ELMO2: variants seen among roughly 807,000 people sequenced by gnomAD.
The protein encoded by ELMO2 is engulfment and cell motility protein 2.
A neutral mutation model predicts 96.2 loss-of-function variants in ELMO2; 37 were observed. That is an observed-to-expected ratio of 0.38 (90% CI 0.30 to 0.51). ELMO2 has a LOEUF of 0.51. Among genes scored for constraint, ELMO2 ranks in the 20% least tolerant of loss-of-function variants. ELMO2 has a pLI of 0.88. For missense variants in ELMO2, 561 were observed against 912.6 expected (o/e 0.61, Z 4.96); for synonymous variants, 315 against 329.4 (o/e 0.96, Z 0.47).
chr20:46,394,104 G>GAGAA lies in ELMO2; in HGVS notation c.79-19_79-16dup. ...AGGGGCCGTTTCTGAAAGAGAGAGA[G>GAGAA]AGAAAGCCTTCAACAGCAGCAACAT... On this transcript the variant is annotated splice_polypyrimidine_tract_variant and intron_variant, in intron 3 of 21. Coordinates refer to ENST00000290246, the MANE Select transcript of ELMO2 (RefSeq NM_133171.5). 1 of 1,608,588 alleles carries GAGAA rather than the reference G, an allele frequency of 6.2e-7. No individual in the cohort carries two copies.
Position 46,371,504 on chromosome 20 carries a change from G to A in ELMO2, c.1694-45C>T. ...AAACAGGTGAGCAACGACAGTACTG[G>A]GAAAGGCCTGGGCACAAAAGGGGCC... On this transcript the variant is annotated intron_variant, in intron 18 of 21. Coordinates refer to ENST00000290246, the MANE Select transcript of ELMO2 (RefSeq NM_133171.5). The surrounding 1 kb of genome is among the most constrained non-coding windows in gnomAD (Gnocchi z 5.9). 6 of 1,612,368 alleles carry A rather than the reference G, an allele frequency of 3.7e-6. No individual in the cohort carries two copies. Among genetic ancestry groups the A allele is most frequent in the Non-Finnish European group, 5.1e-6 (6 of 1,178,522 alleles).
intron 11 of ELMO2, among the ~76,000 whole-genome samples, chr20:46,379,434 C>T (rs1374959069): frequency 2.0e-5 from 3 of 152,224 alleles, no homozygotes; most frequent in Non-Finnish European, 2.9e-5. Context: ...CCAGCTCCTG[C>T]TCTGCTCTCC....
chr20:46,387,667 T>C (rs1448120128), intron 7 of ELMO2: 1 of 390,426 alleles, frequency 2.6e-6, no homozygotes, highest in Non-Finnish European at 4.5e-6. Context: ...TGCTGGGTAA[T>C]TAGATCTTCC....
At chr20:46,401,619 C>T (rs2060337421) in intron 1 of ELMO2, among the ~76,000 whole-genome samples, 1 of 152,174 alleles carries the variant, frequency 6.6e-6, no homozygotes, top group Non-Finnish European at 1.5e-5. Flanking sequence ...CAACTTACTC[C>T]AGTTCCACCG....
In ELMO2 at chr20:46,371,796, TG is replaced by T; in HGVS notation, c.1580+9del. On this transcript the variant is annotated intron_variant, in intron 17 of 21. Transcript: ENST00000290246. This position sits in a 1 kb window ranked among gnomAD's most constrained non-coding sequence, Gnocchi z 5.9. ...CCTCCCCCGCCAGCCTCCCCTGAGA[TG>T]GAACTTACACAATTGGCGGGGACTG... is the stretch of plus-strand genomic sequence containing the variant. 2 of 1,614,082 alleles carry T rather than the reference TG, an allele frequency of 1.2e-6. No homozygotes were observed. The highest frequency in any genetic ancestry group is 1.1e-5 in the South Asian group (1 of 91,078).
At chr20:46,392,989 T>C (rs553420864) in intron 6 of ELMO2, 104 bp downstream of exon 6, 1 of 1,028,346 alleles carries the variant, frequency 9.7e-7, no homozygotes, top group South Asian at 1.4e-5. Flanking sequence ...AGACTGACTT[T>C]CTTATCTCCA....
intron 11 of ELMO2, among the ~76,000 whole-genome samples, chr20:46,377,991 C>T (rs1291427624): frequency 6.6e-6 from 1 of 152,178 alleles, no homozygotes; most frequent in East Asian, 1.9e-4. Context: ...CCTCTCTCTA[C>T]CTTCGTCTAT....
At position 46,393,126 on chromosome 20, in the gene ELMO2, C is replaced by T. The variant is rs2060181002; in HGVS notation, c.210G>A (p.Lys70=). The change falls in exon 6 of 22, where the codon AAG becomes AAA. Residue 70 remains lysine (K), a synonymous_variant. Coordinates refer to ENST00000290246, the MANE Select transcript of ELMO2 (RefSeq NM_133171.5). ...YITEQTRSDI[K]NGTILQLAIS... ...TAGCCAGTTGTAAGATTGTCCCATT[C>T]TTAATGTCACTGCGAGTCTGGGTAG... The T allele has an allele frequency of 6.2e-7, 1 of 1,614,026 alleles. No individual in the cohort carries two copies. Among genetic ancestry groups the T allele is most frequent in the Non-Finnish European group, 8.5e-7 (1 of 1,179,942 alleles).
chr20:46,389,071 C>A lies in ELMO2; in HGVS notation c.393G>T (p.Arg131Ser). The A allele has an allele frequency of 1.2e-6, 2 of 1,614,116 alleles. No homozygotes were observed. Among genetic ancestry groups the A allele is most frequent in the Non-Finnish European group, 1.7e-6 (2 of 1,179,980 alleles). ...INMDGIIVLT[R>S]LVESGTKLLS... ...AGAGCTTGGTTCCACTTTCCACGAG[C>A]CTTGTCAGCACAATGATGCCATCCA... Residue 131 changes from arginine to serine, a missense_variant, in exon 7 of 22, where the codon AGG becomes AGT. Arg to Ser is a moderately radical substitution (Grantham distance 110). Transcript: ENST00000290246.
intron 1 of ELMO2, among the ~76,000 whole-genome samples, chr20:46,406,047 G>A (rs1369567369): frequency 6.6e-6 from 1 of 152,200 alleles, no homozygotes; most frequent in African/African-American, 2.4e-5. Flanking sequence ...GAGGTGGAAA[G>A]TACATGCACC....
At chr20:46,394,003 T>G in intron 4 of ELMO2, 46 bp downstream of exon 4, 1 of 1,613,168 alleles carries the variant, frequency 6.2e-7, no homozygotes, top group Non-Finnish European at 8.5e-7. Flanking sequence ...GAGTGCTCTT[T>G]CAGTCGGAGC....
chr20:46,390,694 GA>G (rs2060135878), intron 6 of ELMO2: 1 of 152,170 alleles, frequency 6.6e-6, no homozygotes, highest in African/African-American at 2.4e-5. Flanking sequence ...TTCTCCACTA[GA>G]AAGCAAGAGA....
At chr20:46,397,315 T>G (rs941789426) in intron 2 of ELMO2, among the ~76,000 whole-genome samples, 16 of 152,214 alleles carry the variant, frequency 1.1e-4, no homozygotes, top group African/African-American at 3.9e-4. Flanking sequence ...CCATAGCTGA[T>G]GGGACTAAAG....
intron 8 of ELMO2, among the ~76,000 whole-genome samples, chr20:46,386,589 C>T (rs573782109): frequency 6.6e-6 from 1 of 152,188 alleles, no homozygotes; most frequent in African/African-American, 2.4e-5. Context: ...TTTACTGATA[C>T]TGGGATCTCA....
intron 9 of ELMO2, among the ~76,000 whole-genome samples, chr20:46,385,126 C>T (rs376410824): frequency 6.6e-6 from 1 of 152,178 alleles, no homozygotes; most frequent in East Asian, 1.9e-4. Flanking sequence ...AATCTGGGAG[C>T]TATGACTTCC....
intron 4 of ELMO2, 125 bp from the exon 5 acceptor site, chr20:46,393,726 G>T (rs2060197525): frequency 9.3e-7 from 1 of 1,070,340 alleles, no homozygotes; most frequent in Non-Finnish European, 1.4e-6. Flanking sequence ...TGGAAACAAA[G>T]CTTTAGGTTG....
At chr20:46,383,635 G>A in intron 9 of ELMO2, 141 bp from the exon 10 acceptor site, 1 of 795,984 alleles carries the variant, frequency 1.3e-6, no homozygotes, top group Non-Finnish European at 2.1e-6. Context: ...TTCAAAGTGG[G>A]CATGCTCTTG....
At chr20:46,392,076 T>C (rs1039747963) in intron 6 of ELMO2, among the ~76,000 whole-genome samples, 2 of 152,164 alleles carry the variant, frequency 1.3e-5, no homozygotes, top group East Asian at 1.9e-4. Flanking sequence ...GTATCACCAG[T>C]GTCCTCTAAC....
chr20:46,389,089 G>A lies in ELMO2; in HGVS notation c.375C>T (p.Gly125=). The change falls in exon 7 of 22, where the codon GGC becomes GGT. Residue 125 remains glycine (G), a synonymous_variant. Transcript: ENST00000290246. ...TFATEFINMD[G]IIVLTRLVES... ...CCACGAGCCTTGTCAGCACAATGAT[G>A]CCATCCATGTTGATGAACTCAGTAG... 1.2e-6 allele frequency: 2 copies of A among 1,614,170 alleles called. No individual in the cohort carries two copies. The highest frequency in any genetic ancestry group is 3.3e-5 in the Admixed American group (2 of 60,020).
Sources: allele counts gnomAD v4.1 joint callset (sites outside exome capture counted in the v4.1 genomes callset), GRCh38; gene constraint gnomAD v4.1.1; non-coding constraint Gnocchi (gnomAD v3.1); transcripts MANE v1.5; gene names NCBI Gene and HGNC (gene_info 2026-07-23, HGNC 2026-07-21).